The following MBD5 variants were observed in gnomAD, a reference collection of about 807,000 sequenced individuals.
MBD5 encodes the protein methyl-CpG-binding domain protein 5.
MBD5 carries 13 observed loss-of-function variants against 117.3 expected under a neutral mutation model. The observed-to-expected ratio is 0.11, with a 90% CI of 0.07 to 0.18. MBD5 has a LOEUF of 0.18. MBD5 is among the 10% of genes least tolerant of loss of function. The pLI, the probability that MBD5 is intolerant of heterozygous loss-of-function variation, is 1.00. For missense variants in MBD5, 1,879 were observed against 2,093.8 expected (o/e 0.90, Z 2.00); for synonymous variants, 727 against 766.4 (o/e 0.95, Z 0.85).
chr2:148,330,566 A>G (rs1339553178), intron 3 of MBD5: 3 of 152,228 alleles, frequency 2.0e-5, no homozygotes, highest in African/African-American at 4.8e-5. Flanking sequence ...TTCTTAAAGG[A>G]AAAAGGATGG....
Position 148,154,540 on chromosome 2 carries a change from G to A in MBD5, c.-924-24160G>A, listed in dbSNP as rs76246713. On this transcript the variant is annotated intron_variant, in intron 1 of 13. Transcript: ENST00000642680. ...GCGCCCCTCCCCCAGCCTGGCTGCC[G>A]CCTTGCAATTTGATCTCAGGCTGCT... 1.7e-3 allele frequency among the ~76,000 whole-genome samples: 262 copies of A among 152,300 alleles called. 1 individual carries two copies. The Middle Eastern group carries it at 0.034, about 20-fold the overall frequency.
chr2:148,149,186 G>A (rs1166668025), intron 1 of MBD5, among the ~76,000 whole-genome samples: 1 of 142,342 alleles, frequency 7.0e-6, no homozygotes, highest in South Asian at 2.3e-4. Context: ...GAGAATATGC[G>A]GTGTTTGGTT....
rs958705619 is a variant in MBD5, at chr2:148,342,252, T to C, written c.-641T>C. 3 of 152,016 alleles carry C rather than the reference T, an allele frequency of 2.0e-5. No homozygotes were observed. Among genetic ancestry groups the C allele is most frequent in the Non-Finnish European group, 4.4e-5 (3 of 67,944 alleles). 9.4% of individuals were successfully genotyped at this position (152,016 alleles called of 1,614,324 possible). ...TCCCTTATAGGGACTCGTAAAGACA[T>C]AGAGCATCTGGAAATTAACTGCCTC... On this transcript the variant is annotated 5_prime_UTR_variant, in exon 4 of 14. Coordinates refer to ENST00000642680, the MANE Select transcript of MBD5 (RefSeq NM_001378120.1).
chr2:148,294,749 G>T (rs986988122), intron 3 of MBD5, among the ~76,000 whole-genome samples: 5 of 151,918 alleles, frequency 3.3e-5, no homozygotes, highest in African/African-American at 1.2e-4. Context: ...CCAGTGATCT[G>T]CACACCTCTG....
At chr2:148,208,727 T>C (rs1035048478) in intron 2 of MBD5, among the ~76,000 whole-genome samples, 4 of 151,930 alleles carry the variant, frequency 2.6e-5, no homozygotes, top group African/African-American at 9.7e-5. Flanking sequence ...AGATTACTTT[T>C]ACCTGATGGT....
At chr2:148,257,765 A>AT (rs1700624644) in intron 3 of MBD5, among the ~76,000 whole-genome samples, 1 of 152,176 alleles carries the variant, frequency 6.6e-6, no homozygotes, top group East Asian at 1.9e-4. Flanking sequence ...GTAAAAGTTC[A>AT]TTGTTGCCTG....
intron 4 of MBD5, among the ~76,000 whole-genome samples, chr2:148,390,887 T>G (rs1704553876): frequency 6.6e-6 from 1 of 152,194 alleles, no homozygotes; most frequent in Non-Finnish European, 1.5e-5. Context: ...AATTACAAAT[T>G]TTAAATAAAA....
In MBD5 at chr2:148,178,790, A is replaced by G. The variant is rs1207877746; in HGVS notation, c.-834A>G. 1 of 398,356 alleles carries G rather than the reference A, an allele frequency of 2.5e-6. No homozygotes were observed. The highest frequency in any genetic ancestry group is 4.4e-6 in the Non-Finnish European group (1 of 225,776). The allele number at this position is 398,356 out of a possible 1,614,324, so 24.7% of individuals were successfully genotyped here. On this transcript the variant is annotated 5_prime_UTR_variant, in exon 2 of 14. Coordinates refer to ENST00000642680, the MANE Select transcript of MBD5 (RefSeq NM_001378120.1). ...ACAAGATCTTTAGAAGATAAGCACT[A>G]AAGGTAAGTAGTAACTATAGCCCCA...
At chr2:148,339,279 CA>C (rs761015487) in intron 3 of MBD5, among the ~76,000 whole-genome samples, 156 of 152,074 alleles carry the variant, frequency 1.0e-3, no homozygotes, top group Non-Finnish European at 1.8e-3. Context: ...GTTTTTTTCA[CA>C]AAAAGGATAT....
intron 1 of MBD5, among the ~76,000 whole-genome samples, chr2:148,080,563 AC>A (rs199711819): frequency 0.011 from 1,653 of 152,202 alleles, 17 homozygotes; most frequent in Non-Finnish European, 0.015. Context: ...TTAGTATTGG[AC>A]CCTAATTTAA....
intron 4 of MBD5, among the ~76,000 whole-genome samples, chr2:148,378,993 G>A (rs1704061451): frequency 6.6e-6 from 1 of 151,944 alleles, no homozygotes; most frequent in Non-Finnish European, 1.5e-5. Context: ...AAAACTACAT[G>A]AAATATATGA....
At chr2:148,333,365 ATATC>A (rs1702709179) in intron 3 of MBD5, among the ~76,000 whole-genome samples, 1 of 152,154 alleles carries the variant, frequency 6.6e-6, no homozygotes, top group Admixed American at 6.6e-5. Flanking sequence ...GTTTTATTGA[ATATC>A]TTTCTTTTGG....
At chr2:148,510,782 A>G (rs1333734442) in intron 13 of MBD5, among the ~76,000 whole-genome samples, 1 of 152,262 alleles carries the variant, frequency 6.6e-6, no homozygotes, top group African/African-American at 2.4e-5. Flanking sequence ...TGATGGGATT[A>G]GTATAGGTTT....
intron 1 of MBD5, among the ~76,000 whole-genome samples, chr2:148,088,552 T>C (rs1267821689): frequency 6.6e-6 from 1 of 152,172 alleles, no homozygotes; most frequent in Non-Finnish European, 1.5e-5. Context: ...TAGGGTCCTA[T>C]TTTTAGCCTC....
At chr2:148,129,045 C>A (rs901496336) in intron 1 of MBD5, among the ~76,000 whole-genome samples, 1 of 152,080 alleles carries the variant, frequency 6.6e-6, no homozygotes, top group Non-Finnish European at 1.5e-5. Flanking sequence ...TGCCTTTCGT[C>A]TTTTTTATAA....
At chr2:148,155,155 A>G (rs1242819758) in intron 1 of MBD5, among the ~76,000 whole-genome samples, 1 of 152,232 alleles carries the variant, frequency 6.6e-6, no homozygotes, top group African/African-American at 2.4e-5. Flanking sequence ...ATTGCTAAGG[A>G]GAGCCAAGAT....
At chr2:148,339,763 A>T (rs1293280334) in intron 3 of MBD5, among the ~76,000 whole-genome samples, 2 of 152,162 alleles carry the variant, frequency 1.3e-5, no homozygotes, top group East Asian at 3.8e-4. Context: ...AAATAAATAA[A>T]TAAATTTATT....
At chr2:148,307,641 CT>C (rs1453390634) in intron 3 of MBD5, among the ~76,000 whole-genome samples, 1 of 151,978 alleles carries the variant, frequency 6.6e-6, no homozygotes, top group Non-Finnish European at 1.5e-5. Context: ...ACATATATTG[CT>C]TATACTTTTT....
intron 1 of MBD5, among the ~76,000 whole-genome samples, chr2:148,144,684 G>A (rs1287587837): frequency 6.6e-6 from 1 of 152,142 alleles, no homozygotes; most frequent in Non-Finnish European, 1.5e-5. Context: ...ACTTTTCCCA[G>A]CACCATTTAT....
Sources: gnomAD v4.1 joint callset for allele counts (sites outside exome capture counted in the v4.1 genomes callset) on GRCh38, gnomAD v4.1.1 for gene constraint, MANE v1.5 for transcripts, NCBI Gene and HGNC (gene_info 2026-07-23, HGNC 2026-07-21) for gene names.